Variants in KCNIP3 observed in about 807,000 individuals in gnomAD.
KCNIP3 encodes the protein potassium voltage-gated channel interacting protein 3.
A neutral mutation model predicts 35.0 loss-of-function variants in KCNIP3; 28 were observed. The ratio of observed to expected loss-of-function variants is 0.80; its 90% confidence interval spans 0.59 to 1.10. The LOEUF (loss-of-function observed/expected upper bound fraction) is 1.10, where lower values mean the gene tolerates loss of function less well. KCNIP3 is among the 50% of genes least tolerant of loss of function. The probability of loss-of-function intolerance (pLI) is 0.00; values close to 1 mark genes in which losing one functional copy is unlikely to be tolerated. For missense variants in KCNIP3, 295 were observed against 338.4 expected (o/e 0.87, Z 1.01); for synonymous variants, 134 against 133.8 (o/e 1.00, Z -0.01).
chr2:95,298,844 A>G (rs1677946859), intron 1 of KCNIP3: 1 of 152,324 alleles, frequency 6.6e-6, no homozygotes, highest in East Asian at 1.9e-4. Context: ...CCAGGCTCAC[A>G]CACTACGGCG....
chr2:95,374,215 G>A, intron 2 of KCNIP3, 81 bp from the exon 3 acceptor site: 1 of 1,543,948 alleles, frequency 6.5e-7, no homozygotes, highest in South Asian at 1.2e-5. Flanking sequence ...TGCTATTTTG[G>A]CCCATGCCCT....
intron 5 of KCNIP3, among the ~76,000 whole-genome samples, chr2:95,379,452 T>C (rs1217221105): frequency 1.6e-5 from 1 of 61,128 alleles, no homozygotes; most frequent in Non-Finnish European, 3.0e-5. Flanking sequence ...AGCTCCATCC[T>C]CGCTGGGGCC....
intron 2 of KCNIP3, among the ~76,000 whole-genome samples, chr2:95,372,029 G>A (rs1268714931): frequency 2.6e-5 from 4 of 151,866 alleles, no homozygotes; most frequent in Admixed American, 6.6e-5. Flanking sequence ...GGTCTTGAGC[G>A]CCTGACCTCA....
At position 95,384,823 on chromosome 2, in the gene KCNIP3, T is replaced by C. The variant is rs1680452791; in HGVS notation, c.*774T>C. On this transcript the variant is annotated 3_prime_UTR_variant, in exon 9 of 9. Transcript: ENST00000295225. ...GAATCTGAGGGCACTCTCTGCCAGC[T>C]CCACAGGGTGGGATGAGCCTCTCCT... is the stretch of plus-strand genomic sequence containing the variant. The C allele has an allele frequency of 6.6e-6, 1 of 152,582 alleles. No homozygotes were observed. Among genetic ancestry groups the C allele is most frequent in the African/African-American group, 2.4e-5 (1 of 41,454 alleles). 9.5% of individuals were successfully genotyped at this position (152,582 alleles called of 1,614,324 possible).
At chr2:95,368,806 C>T in intron 2 of KCNIP3, 1 of 230,662 alleles carries the variant, frequency 4.3e-6, no homozygotes, top group Non-Finnish European at 9.8e-6. Context: ...AAAGCCTACA[C>T]CTTTGATGAC....
chr2:95,344,288 T>C (rs1679292469), intron 2 of KCNIP3, among the ~76,000 whole-genome samples: 1 of 150,816 alleles, frequency 6.6e-6, no homozygotes, highest in African/African-American at 2.5e-5. Flanking sequence ...GGGGGGCACA[T>C]GGGGCTTCAG....
chr2:95,308,039 C>T (rs1043640704), intron 1 of KCNIP3, among the ~76,000 whole-genome samples: 18 of 152,170 alleles, frequency 1.2e-4, no homozygotes, highest in African/African-American at 3.6e-4. Flanking sequence ...AGCATGTGTA[C>T]GTGTGTGTGC....
chr2:95,318,063 G>GC (rs1410286810), intron 2 of KCNIP3, among the ~76,000 whole-genome samples: 1 of 151,410 alleles, frequency 6.6e-6, no homozygotes, highest in Admixed American at 6.6e-5. Context: ...GTGACAGGGG[G>GC]CAGGGGTGGG....
intron 2 of KCNIP3, among the ~76,000 whole-genome samples, chr2:95,358,060 AC>A (rs1169502782): frequency 6.6e-5 from 10 of 151,998 alleles, no homozygotes; most frequent in African/African-American, 2.4e-4. Flanking sequence ...GGAACATGGC[AC>A]CTCTTTGGAG....
rs1040445160 is a variant in KCNIP3 at position 95,377,106 on chromosome 2, G to C, written c.447+1898G>C. On this transcript the variant is annotated intron_variant, in intron 5 of 8. Coordinates refer to ENST00000295225, the MANE Select transcript of KCNIP3 (RefSeq NM_013434.5). This position sits in a 1 kb window ranked among gnomAD's most constrained non-coding sequence, Gnocchi z 4.7. ...CATCCCCACGGACCTTCTGGGATTT[G>C]CCAGCAGCAGGGAGCCCCAGGTGAG... Among the ~76,000 whole-genome samples, 2 of 152,186 alleles carry C rather than the reference G, an allele frequency of 1.3e-5. No individual in the cohort carries two copies. The highest frequency in any genetic ancestry group is 4.8e-5 in the African/African-American group (2 of 41,442).
At chr2:95,359,902 G>A (rs897164817) in intron 2 of KCNIP3, among the ~76,000 whole-genome samples, 4 of 152,242 alleles carry the variant, frequency 2.6e-5, no homozygotes, top group Non-Finnish European at 4.4e-5. Flanking sequence ...GTCCAGGGCA[G>A]CAGGTCCTTG....
At chr2:95,375,906 G>A (rs556061853) in intron 5 of KCNIP3, among the ~76,000 whole-genome samples, 15 of 152,344 alleles carry the variant, frequency 9.8e-5, no homozygotes, top group Admixed American at 1.3e-4. Context: ...TCGATACCCC[G>A]ACAGCTTGGC....
At chr2:95,307,184 C>A (rs532156131) in intron 1 of KCNIP3, among the ~76,000 whole-genome samples, 6 of 152,202 alleles carry the variant, frequency 3.9e-5, no homozygotes, top group African/African-American at 7.2e-5. Flanking sequence ...TGGCCCGGAA[C>A]CCCCACCACC....
chr2:95,306,017 C>T lies in KCNIP3; in HGVS notation c.16-4338C>T, dbSNP rs142949843. On this transcript the variant is annotated intron_variant, in intron 1 of 8. Coordinates refer to ENST00000295225, the MANE Select transcript of KCNIP3 (RefSeq NM_013434.5). ...CTTCAGGATAAACGGCCAAAAATAC[C>T]GTGGTCGGGCTCTGTGGTAGCGCAT... 5.2e-3 allele frequency among the ~76,000 whole-genome samples: 795 copies of T among 152,274 alleles called. 4 individuals carry two copies. The highest frequency in any genetic ancestry group is 8.4e-3 in the Non-Finnish European group (571 of 68,032).
In KCNIP3 at chr2:95,374,402, C is replaced by T. The variant is rs1390865138; in HGVS notation, c.288C>T (p.Leu96=). The T allele has an allele frequency of 6.2e-7, 1 of 1,614,132 alleles. No individual in the cohort carries two copies. The highest frequency in any genetic ancestry group is 8.5e-7 in the Non-Finnish European group (1 of 1,179,982). The change falls in exon 3 of 9, where the codon CTC becomes CTT. Residue 96 remains leucine, a synonymous_variant. Transcript: ENST00000295225. ...TCACCAAGAAGGAGCTGCAGTCTCT[C>T]TACAGGGGCTTTAAGAATGTGAGTG... ...TKFTKKELQS[L]YRGFKNECPT...
At chr2:95,323,412 G>A (rs1678644010) in intron 2 of KCNIP3, among the ~76,000 whole-genome samples, 1 of 152,214 alleles carries the variant, frequency 6.6e-6, no homozygotes. Flanking sequence ...AGGCAGAACT[G>A]CGGTGGCAGA....
chr2:95,350,682 G>A (rs1481548897), intron 2 of KCNIP3, among the ~76,000 whole-genome samples: 2 of 152,312 alleles, frequency 1.3e-5, no homozygotes, highest in Middle Eastern at 3.4e-3. Flanking sequence ...GGGTGGAGCC[G>A]AGTGAGTGAG....
chr2:95,352,909 G>A (rs1452532075), intron 2 of KCNIP3, among the ~76,000 whole-genome samples: 1 of 152,214 alleles, frequency 6.6e-6, no homozygotes, highest in Non-Finnish European at 1.5e-5. Context: ...TGGTCACCCT[G>A]CAGGAGGCCT....
At chr2:95,380,841 C>A (rs541371137) in intron 5 of KCNIP3, among the ~76,000 whole-genome samples, 2 of 152,008 alleles carry the variant, frequency 1.3e-5, no homozygotes, top group Non-Finnish European at 2.9e-5. Context: ...ATAGCGAGAC[C>A]CCATCTCTAT....
Sources: allele counts gnomAD v4.1 joint callset (sites outside exome capture counted in the v4.1 genomes callset), GRCh38; gene constraint gnomAD v4.1.1; non-coding constraint Gnocchi (gnomAD v3.1); transcripts MANE v1.5; gene names NCBI Gene and HGNC (gene_info 2026-07-23, HGNC 2026-07-21).